SPATA31H1: variants seen among roughly 807,000 people sequenced by gnomAD.
SPATA31H1 encodes SPATA31 subfamily H member 1.
the SPATA31H1 span, among the ~76,000 whole-genome samples, chr2:27,564,118 A>G: frequency 6.6e-6 from 1 of 152,196 alleles, no homozygotes; most frequent in Non-Finnish European, 1.5e-5. Flanking sequence ...TTTCAATTTG[A>G]GGGTTCCTGG....
the SPATA31H1 span, among the ~76,000 whole-genome samples, chr2:27,549,647 T>C: frequency 6.6e-6 from 1 of 151,580 alleles, no homozygotes; most frequent in African/African-American, 2.4e-5. Context: ...CCATCTCTAC[T>C]AAAAATACAA....
At chr2:27,581,729 C>T in the SPATA31H1 span, 1 of 1,613,190 alleles carries the variant, frequency 6.2e-7, no homozygotes, top group East Asian at 2.2e-5. Context: ...GAAGCCATCG[C>T]AGTCCCGCTC....
the SPATA31H1 span, among the ~76,000 whole-genome samples, chr2:27,538,165 C>G: frequency 6.6e-6 from 1 of 152,158 alleles, no homozygotes; most frequent in African/African-American, 2.4e-5. Flanking sequence ...CTTTGAACGC[C>G]AGGCTGAATA....
At chr2:27,539,960 C>CA in the SPATA31H1 span, among the ~76,000 whole-genome samples, 1 of 126,604 alleles carries the variant, frequency 7.9e-6, no homozygotes, top group African/African-American at 3.0e-5. Context: ...GCTGGCCAGG[C>CA]GGGGGGCTGA....
At chr2:27,573,757 A>G in the SPATA31H1 span, 1 of 398,550 alleles carries the variant, frequency 2.5e-6, no homozygotes, top group Non-Finnish European at 4.4e-6. Context: ...CAAGATGTGA[A>G]GTCTCCAGCG....
chr2:27,563,471 C>T, the SPATA31H1 span, among the ~76,000 whole-genome samples: 23 of 133,642 alleles, frequency 1.7e-4, no homozygotes, highest in African/African-American at 6.0e-4. Flanking sequence ...TCACATCTCA[C>T]TGCAGCCTTG....
the SPATA31H1 span, chr2:27,571,706 T>C: frequency 4.8e-5 from 19 of 398,484 alleles, no homozygotes; most frequent in African/African-American, 3.1e-4. Flanking sequence ...AAATGCAAGA[T>C]ATGAAATTTG....
At chr2:27,541,172 C>T in the SPATA31H1 span, among the ~76,000 whole-genome samples, 13 of 151,418 alleles carry the variant, frequency 8.6e-5, no homozygotes, top group Non-Finnish European at 1.3e-4. Context: ...GGATCACTCG[C>T]GGCTAGGAGC....
the SPATA31H1 span, chr2:27,565,295 G>C: frequency 1.4e-6 from 1 of 714,614 alleles, no homozygotes; most frequent in South Asian, 1.5e-5. Context: ...CTCTAACCTA[G>C]AACATAATCT....
the SPATA31H1 span, chr2:27,580,643 A>G: frequency 1.2e-6 from 2 of 1,614,108 alleles, no homozygotes; most frequent in Non-Finnish European, 1.7e-6. Context: ...TTCAGAGCCT[A>G]AAGCGGGCAT....
chr2:27,579,702 G>C, the SPATA31H1 span: 2 of 1,614,090 alleles, frequency 1.2e-6, no homozygotes, highest in African/African-American at 2.7e-5. Context: ...AGAAGATCTT[G>C]TTCCAATGGA....
the SPATA31H1 span, among the ~76,000 whole-genome samples, chr2:27,552,617 T>TAAA: frequency 1.7e-3 from 253 of 152,140 alleles, no homozygotes; most frequent in Non-Finnish European, 2.9e-3. Flanking sequence ...TTCATTTCTG[T>TAAA]AAAAAAGGCT....
At chr2:27,561,901 A>T in the SPATA31H1 span, among the ~76,000 whole-genome samples, 1 of 152,284 alleles carries the variant, frequency 6.6e-6, no homozygotes, top group African/African-American at 2.4e-5. Context: ...GGGTTTCGTC[A>T]CATAGCCCAG....
chr2:27,581,179 A>G, the SPATA31H1 span: 3 of 1,614,190 alleles, frequency 1.9e-6, no homozygotes, highest in Middle Eastern at 1.6e-4. Flanking sequence ...AAACTCACAC[A>G]CAAGGAGCAT....
the SPATA31H1 span, chr2:27,567,161 TGAGA>T: frequency 1.5e-6 from 1 of 670,076 alleles, no homozygotes; most frequent in Non-Finnish European, 2.7e-6. Context: ...AAAAAAATGA[TGAGA>T]GAATGAGCAA....
At chr2:27,537,552 A>T in the SPATA31H1 span, 1 of 717,396 alleles carries the variant, frequency 1.4e-6, no homozygotes, top group African/African-American at 1.7e-5. Flanking sequence ...AGCAGGTGGC[A>T]GCCAAGATAA....
the SPATA31H1 span, chr2:27,579,580 C>A: frequency 2.5e-6 from 4 of 1,614,162 alleles, no homozygotes; most frequent in African/African-American, 5.3e-5. Flanking sequence ...ACAAACTCAA[C>A]GTTCAATGGT....
At chr2:27,540,140 G>C in the SPATA31H1 span, among the ~76,000 whole-genome samples, 1 of 120,384 alleles carries the variant, frequency 8.3e-6, no homozygotes, top group African/African-American at 3.2e-5. Context: ...CCGGGCGGGG[G>C]GCTGACCCCC....
At chr2:27,539,849 C>G in the SPATA31H1 span, among the ~76,000 whole-genome samples, 1 of 92,266 alleles carries the variant, frequency 1.1e-5, no homozygotes, top group Non-Finnish European at 2.2e-5. Context: ...CCGGACCGGG[C>G]GGCTGGCCAG....
Sources: gnomAD v4.1 joint callset for allele counts (sites outside exome capture counted in the v4.1 genomes callset) on GRCh38, gnomAD v4.1.1 for gene constraint, MANE v1.5 for transcripts, NCBI Gene and HGNC (gene_info 2026-07-23, HGNC 2026-07-21) for gene names.